NECAB1: variants seen among roughly 807,000 people sequenced by gnomAD.
The protein encoded by NECAB1 is N-terminal EF-hand calcium-binding protein 1.
NECAB1 carries 29 observed loss-of-function variants against 57.5 expected under a neutral mutation model. That is an observed-to-expected ratio of 0.50 (90% CI 0.38 to 0.69). The LOEUF is 0.69. Ranked by LOEUF, NECAB1 falls within the 30% of genes least tolerant of loss-of-function variation. The probability of loss-of-function intolerance (pLI) is 0.00; values close to 1 mark genes in which losing one functional copy is unlikely to be tolerated. For missense variants in NECAB1, 372 were observed against 413.8 expected (o/e 0.90, Z 0.88); for synonymous variants, 142 against 147.7 (o/e 0.96, Z 0.28).
chr8:90,884,880 C>T lies in NECAB1; in HGVS notation c.357+3750C>T, dbSNP rs571221329. Among the ~76,000 whole-genome samples, 10 of 152,234 alleles carry T rather than the reference C, an allele frequency of 6.6e-5. No individual in the cohort carries two copies. In the South Asian group the frequency reaches 2.1e-3, roughly 32 times the overall value. On this transcript the variant is annotated intron_variant, in intron 5 of 12. Transcript: ENST00000417640. ...CAGAAGCCCTGAGTCAGGCCCAAGC[C>T]TTGGAATCCTCCATGCAACCCTGGC...
chr8:90,792,235 G>C lies in NECAB1; in HGVS notation c.99+250G>C, dbSNP rs1586024820. Among the ~76,000 whole-genome samples the C allele has an allele frequency of 3.9e-5, 6 of 152,342 alleles. No homozygotes were observed. The Middle Eastern group carries it at 0.017, about 432-fold the overall frequency. ...TAGATTTTCCAACAGGCTGGGTTTCGTAGAGACACTATTGCAAATACAACA... is the reference window on the plus strand; with the variant it reads ...TAGATTTTCCAACAGGCTGGGTTTCCTAGAGACACTATTGCAAATACAACA... On this transcript the variant is annotated intron_variant, in intron 1 of 12. Transcript: ENST00000417640.
chr8:90,844,185 A>C (rs1318630377), intron 3 of NECAB1, among the ~76,000 whole-genome samples: 1 of 152,040 alleles, frequency 6.6e-6, no homozygotes, highest in Admixed American at 6.6e-5. Context: ...CCTAGTGCAA[A>C]GTCATGAGAG....
At chr8:90,869,316 G>A (rs1173123450) in intron 3 of NECAB1, among the ~76,000 whole-genome samples, 1 of 152,200 alleles carries the variant, frequency 6.6e-6, no homozygotes, top group African/African-American at 2.4e-5. Flanking sequence ...GTCCCCACTG[G>A]GGCACTGCCT....
intron 12 of NECAB1, among the ~76,000 whole-genome samples, chr8:90,951,609 G>T (rs1810925594): frequency 6.6e-6 from 1 of 151,950 alleles, no homozygotes; most frequent in African/African-American, 2.4e-5. Flanking sequence ...TAGGCATCAG[G>T]GTGTTTAGCC....
chr8:90,807,636 G>A (rs573198434), intron 2 of NECAB1, among the ~76,000 whole-genome samples: 2 of 152,242 alleles, frequency 1.3e-5, no homozygotes, highest in Admixed American at 6.5e-5. Context: ...ATTAAGGGCC[G>A]GGCCCTAGAA....
At chr8:90,945,102 C>T (rs1378195367) in intron 10 of NECAB1, among the ~76,000 whole-genome samples, 1 of 151,848 alleles carries the variant, frequency 6.6e-6, no homozygotes, top group Admixed American at 6.6e-5. Context: ...CTCGCTCTGT[C>T]GCCCAGGCTG....
intron 6 of NECAB1, among the ~76,000 whole-genome samples, chr8:90,920,601 T>C (rs990652937): frequency 6.6e-6 from 1 of 152,156 alleles, no homozygotes; most frequent in Non-Finnish European, 1.5e-5. Context: ...GTCTCACCCA[T>C]CTCATGTTAC....
intron 10 of NECAB1, among the ~76,000 whole-genome samples, chr8:90,946,698 C>A (rs982234427): frequency 2.0e-5 from 3 of 152,178 alleles, no homozygotes; most frequent in African/African-American, 4.8e-5. Context: ...GGAGAACCAA[C>A]AAGCTCTCCT....
At chr8:90,793,563 G>A (rs1009368744) in intron 1 of NECAB1, among the ~76,000 whole-genome samples, 1 of 152,172 alleles carries the variant, frequency 6.6e-6, no homozygotes. Flanking sequence ...GGGCCATAAA[G>A]CACTTGAGGA....
chr8:90,917,890 A>C (rs1461776884), intron 6 of NECAB1, among the ~76,000 whole-genome samples: 1 of 104,996 alleles, frequency 9.5e-6, no homozygotes, highest in Non-Finnish European at 1.7e-5. Flanking sequence ...GTGCGTGTAT[A>C]TATATGTCTG....
rs1048823425 is a variant in NECAB1, at chr8:90,956,662, T to C, written c.*1150T>C. ...AGCCATGTTATTTTCTAGTATAAAT[T>C]CCTTTGAAACTATAAGTCTTTGAGG... On this transcript the variant is annotated 3_prime_UTR_variant, in exon 13 of 13. Transcript: ENST00000417640. The C allele has an allele frequency of 6.6e-6, 1 of 151,980 alleles. No individual in the cohort carries two copies. The highest frequency in any genetic ancestry group is 1.5e-5 in the Non-Finnish European group (1 of 67,902). The allele number at this position is 151,980 out of a possible 1,614,324, so 9.4% of individuals were successfully genotyped here.
At chr8:90,946,474 C>T (rs1264663390) in intron 10 of NECAB1, among the ~76,000 whole-genome samples, 7 of 152,186 alleles carry the variant, frequency 4.6e-5, no homozygotes, top group Admixed American at 1.3e-4. Flanking sequence ...CAGCACCTTC[C>T]GGTATCAAAT....
At position 90,925,638 on chromosome 8, in the gene NECAB1, T is replaced by G. The variant is rs201429757; in HGVS notation, c.598T>G (p.Phe200Val). 238 of 1,613,856 alleles carry G rather than the reference T, an allele frequency of 1.5e-4. No homozygotes were observed. In the African/African-American group the frequency reaches 2.4e-3, roughly 16 times the overall value. Reference protein sequence around the residue: ...HNSFSPNSPQFNVSGPGLLEE... With the variant: ...HNSFSPNSPQVNVSGPGLLEE... ...CAGCTTCTCCCCAAACAGCCCTCAG[T>G]TTAATGTCAGCGGTCCAGGTAACAT... Residue 200 changes from phenylalanine (F) to valine (V), a missense_variant, in exon 7 of 13, where the codon TTT (phenylalanine) becomes GTT (valine). Coordinates refer to ENST00000417640, the MANE Select transcript of NECAB1 (RefSeq NM_022351.5).
chr8:90,810,081 T>C (rs1489394913), intron 2 of NECAB1, among the ~76,000 whole-genome samples: 1 of 152,192 alleles, frequency 6.6e-6, no homozygotes, highest in Non-Finnish European at 1.5e-5. Context: ...GTAAATAGGA[T>C]TTGTATCCAG....
intron 3 of NECAB1, among the ~76,000 whole-genome samples, chr8:90,855,306 AT>A (rs1181536140): frequency 7.8e-4 from 119 of 152,224 alleles, no homozygotes; most frequent in Non-Finnish European, 2.9e-4. Context: ...AGAGTAAGGA[AT>A]AGCCTTTCTG....
At chr8:90,855,002 C>T (rs1367151846) in intron 3 of NECAB1, among the ~76,000 whole-genome samples, 1 of 152,192 alleles carries the variant, frequency 6.6e-6, no homozygotes, top group African/African-American at 2.4e-5. Context: ...ACAGAGTATC[C>T]TAATAGACAG....
intron 3 of NECAB1, among the ~76,000 whole-genome samples, chr8:90,844,761 G>C (rs144654224): frequency 6.7e-6 from 1 of 148,960 alleles, no homozygotes; most frequent in Non-Finnish European, 1.5e-5. Context: ...AGATGAAAAG[G>C]CTTGACTTAG....
chr8:90,853,188 T>C (rs1180847937), intron 3 of NECAB1, among the ~76,000 whole-genome samples: 4 of 152,110 alleles, frequency 2.6e-5, no homozygotes, highest in African/African-American at 9.7e-5. Flanking sequence ...AGGGGTGGAG[T>C]GCAGCGGGTC....
At chr8:90,894,910 A>T (rs1294355472) in intron 5 of NECAB1, among the ~76,000 whole-genome samples, 1 of 152,190 alleles carries the variant, frequency 6.6e-6, no homozygotes, top group Non-Finnish European at 1.5e-5. Flanking sequence ...TAAGTGCTTC[A>T]TGAGACTTCC....
Sources: gnomAD v4.1 joint callset for allele counts (sites outside exome capture counted in the v4.1 genomes callset) on GRCh38, gnomAD v4.1.1 for gene constraint, MANE v1.5 for transcripts, NCBI Gene and HGNC (gene_info 2026-07-23, HGNC 2026-07-21) for gene names.